GPM6A: variants seen among roughly 807,000 people sequenced by gnomAD.
GPM6A encodes neuronal membrane glycoprotein M6-a.
GPM6A carries 7 observed loss-of-function variants against 32.1 expected under a neutral mutation model. The observed-to-expected ratio is 0.22, with a 90% CI of 0.12 to 0.41. The LOEUF (loss-of-function observed/expected upper bound fraction) is 0.41. GPM6A is among the 10% of genes least tolerant of loss of function. The pLI is 1.00. For synonymous variants in GPM6A, 130 were observed against 123.4 expected, an observed-to-expected ratio of 1.05 and a Z score of -0.35; for missense variants, 235 against 347.2, an observed-to-expected ratio of 0.68 and a Z score of 2.57.
rs1238203021 is a variant in GPM6A at position 175,838,578 on chromosome 4, G to A, written c.-22-26329C>T. On this transcript the variant is annotated intron_variant, in intron 1 of 7. Coordinates refer to the GPM6A transcript ENST00000280187. ...CTACATCCCCGTTCACATTTAATCTGTTACCCCTTCCTGGCCATTAGGAAA... is the reference window on the plus strand; with the variant it reads ...CTACATCCCCGTTCACATTTAATCTATTACCCCTTCCTGGCCATTAGGAAA... 2.4e-4 allele frequency among the ~76,000 whole-genome samples: 35 copies of A among 148,064 alleles called. No individual in the cohort carries two copies. In the Admixed American group the frequency reaches 2.4e-3, roughly 10 times the overall value.
chr4:175,983,123 G>A (rs1740867087), intron 1 of GPM6A, among the ~76,000 whole-genome samples: 1 of 152,078 alleles, frequency 6.6e-6, no homozygotes, highest in Non-Finnish European at 1.5e-5. Context: ...TCAAAGATGG[G>A]GAGGGGAGAA....
intron 1 of GPM6A, among the ~76,000 whole-genome samples, chr4:175,742,757 A>C (rs1731939746): frequency 6.6e-6 from 1 of 152,180 alleles, no homozygotes; most frequent in Admixed American, 6.6e-5. Context: ...CGCACACTTG[A>C]CATGAGGGGC....
At chr4:175,923,549 T>A (rs556950806) in intron 1 of GPM6A, among the ~76,000 whole-genome samples, 5 of 151,532 alleles carry the variant, frequency 3.3e-5, no homozygotes, top group Non-Finnish European at 7.4e-5. Context: ...TTTGTGTTTT[T>A]TTGTTGTTGT....
At chr4:175,882,470 T>A (rs974800585) in intron 1 of GPM6A, among the ~76,000 whole-genome samples, 1 of 152,034 alleles carries the variant, frequency 6.6e-6, no homozygotes, top group Non-Finnish European at 1.5e-5. Context: ...TTGTACTATT[T>A]CAGATTTTTC....
chr4:175,999,000 A>C (rs1317955088), intron 1 of GPM6A, among the ~76,000 whole-genome samples: 1 of 152,142 alleles, frequency 6.6e-6, no homozygotes, highest in Non-Finnish European at 1.5e-5. Context: ...CCTTACTGCC[A>C]TGAGAAGGAG....
At chr4:175,863,255 C>A (rs1736627003) in intron 1 of GPM6A, among the ~76,000 whole-genome samples, 1 of 152,042 alleles carries the variant, frequency 6.6e-6, no homozygotes, top group Non-Finnish European at 1.5e-5. Context: ...ATATCATACC[C>A]CGGCAGCACG....
rs951809844 is a variant in GPM6A at position 175,876,835 on chromosome 4, G to T, written c.-22-64586C>A. ...ACCATTAAGTCACAGTCTAGTATTT[G>T]TCCCTCATCTGGTTCTCTGTATTGA... On this transcript the variant is annotated intron_variant, in intron 1 of 7. Coordinates refer to the GPM6A transcript ENST00000280187. 2.0e-5 allele frequency among the ~76,000 whole-genome samples: 3 copies of T among 152,154 alleles called. No homozygotes were observed. The South Asian group carries it at 6.2e-4, about 32-fold the overall frequency.
At chr4:175,896,806 A>G (rs1185477130) in intron 1 of GPM6A, among the ~76,000 whole-genome samples, 2 of 152,156 alleles carry the variant, frequency 1.3e-5, no homozygotes, top group East Asian at 1.9e-4. Context: ...ATTCAAGGCC[A>G]TATTCTGTGT....
At chr4:175,695,746 A>G (rs1013787735) in intron 2 of GPM6A, among the ~76,000 whole-genome samples, 1 of 152,154 alleles carries the variant, frequency 6.6e-6, no homozygotes, top group Non-Finnish European at 1.5e-5. Flanking sequence ...GGGGGAACTT[A>G]GGGGAAACAT....
rs1308671986 is a variant in GPM6A, at chr4:175,640,791, C to T, written c.580G>A (p.Val194Ile). 1.2e-6 allele frequency: 2 copies of T among 1,610,192 alleles called. No individual in the cohort carries two copies. Among genetic ancestry groups the T allele is most frequent in the East Asian group, 2.2e-5 (1 of 44,720 alleles). ...TIGEEKKICT[V>I]SENFLRMCES... is the part of the protein sequence containing the mutation. ...CACATCCTCAAGAAATTCTCAGAGA[C>T]AGTACAAATTTTCTTTTCCTCTCCA... The change falls in exon 5 of 7, where the codon GTC becomes ATC. Residue 194 changes from valine (V) to isoleucine (I), a missense_variant. By Grantham distance (29) the Val-to-Ile change is conservative. Around this residue, in one of 3 missense-constraint regions of GPM6A, gnomAD observed 107 missense variants for 116.7 expected, o/e 0.92. Coordinates refer to ENST00000393658, the MANE Select transcript of GPM6A (RefSeq NM_201591.3).
Position 175,933,687 on chromosome 4 carries a change from T to C in GPM6A, c.-23+68622A>G, listed in dbSNP as rs373384827. 6.4e-3 allele frequency among the ~76,000 whole-genome samples: 969 copies of C among 152,166 alleles called. 9 individuals are homozygous for C. The highest frequency in any genetic ancestry group is 0.022 in the African/African-American group (900 of 41,540). ...CCTCCCGAATAGCTGGGACTACAGG[T>C]GCCCGCCACCATGCCCGGCTAATTT... On this transcript the variant is annotated intron_variant, in intron 1 of 7. Coordinates refer to the GPM6A transcript ENST00000280187.
intron 2 of GPM6A, among the ~76,000 whole-genome samples, chr4:175,674,922 C>A (rs1743281461): frequency 6.6e-6 from 1 of 150,974 alleles, no homozygotes. Context: ...GAAAAAAACA[C>A]CATGTGGCTA....
At chr4:175,748,768 G>A (rs558844196) in intron 1 of GPM6A, among the ~76,000 whole-genome samples, 12 of 152,230 alleles carry the variant, frequency 7.9e-5, no homozygotes, top group African/African-American at 2.9e-4. Flanking sequence ...CTCCTCTACA[G>A]CTATGAAAGT....
At chr4:175,927,879 C>T (rs1014341580) in intron 1 of GPM6A, among the ~76,000 whole-genome samples, 61 of 152,122 alleles carry the variant, frequency 4.0e-4, no homozygotes, top group African/African-American at 1.3e-3. Context: ...AGCAAGACTC[C>T]GTCTCAAAAA....
intron 1 of GPM6A, among the ~76,000 whole-genome samples, chr4:175,864,507 CT>C (rs1441962380): frequency 2.6e-5 from 4 of 152,066 alleles, no homozygotes; most frequent in Non-Finnish European, 5.9e-5. Context: ...TGTTTTTCTT[CT>C]CATTGATGGG....
chr4:175,997,439 A>G (rs1167772876), intron 1 of GPM6A, among the ~76,000 whole-genome samples: 6 of 151,662 alleles, frequency 4.0e-5, no homozygotes, highest in Non-Finnish European at 8.8e-5. Context: ...TAATGGAAAT[A>G]GCTTAATCTT....
intron 1 of GPM6A, among the ~76,000 whole-genome samples, chr4:175,824,301 C>T (rs1054047561): frequency 6.6e-6 from 1 of 152,188 alleles, no homozygotes; most frequent in Admixed American, 6.5e-5. Flanking sequence ...TGACTCCACT[C>T]TGCTTGTGCG....
At chr4:175,636,956 GTATTTATATA>G (rs1740658287) in intron 6 of GPM6A, among the ~76,000 whole-genome samples, 1 of 118,048 alleles carries the variant, frequency 8.5e-6, no homozygotes, top group Non-Finnish European at 1.7e-5. Context: ...ATATATATAT[GTATTTATATA>G]TATTTATATA....
At chr4:175,833,275 A>T (rs920099290) in intron 1 of GPM6A, among the ~76,000 whole-genome samples, 2 of 152,206 alleles carry the variant, frequency 1.3e-5, no homozygotes, top group Non-Finnish European at 2.9e-5. Flanking sequence ...TGAAAAACAG[A>T]AATCAGTGAC....
Sources: gnomAD v4.1 joint callset for allele counts (sites outside exome capture counted in the v4.1 genomes callset) on GRCh38, gnomAD v4.1.1 for gene constraint, gnomAD v4.1.1 regional missense constraint, MANE v1.5 for transcripts, NCBI Gene and HGNC (gene_info 2026-07-23, HGNC 2026-07-21) for gene names.